The following URB1 variants were observed in gnomAD, a reference collection of about 807,000 sequenced individuals.
URB1 encodes URB1 ribosome biogenesis factor.
URB1 carries 197 observed loss-of-function variants against 242.3 expected under a neutral mutation model. The observed-to-expected ratio is 0.81, with a 90% CI of 0.72 to 0.91. The LOEUF (loss-of-function observed/expected upper bound fraction) is 0.91. Ranked by LOEUF, URB1 falls within the 40% of genes least tolerant of loss-of-function variation. The pLI, the probability that URB1 is intolerant of heterozygous loss-of-function variation, is 0.00. For synonymous variants in URB1, 1,153 were observed against 1,201.8 expected (o/e 0.96, Z 0.84); for missense variants, 2,721 against 2,860.5 (o/e 0.95, Z 1.11).
intron 24 of URB1, among the ~76,000 whole-genome samples, chr21:32,343,216 A>G (rs2033050096): frequency 6.6e-6 from 1 of 151,962 alleles, no homozygotes; most frequent in Non-Finnish European, 1.5e-5. Flanking sequence ...TATTTTTTGC[A>G]GTGTGAATAC....
chr21:32,365,249 A>G (rs1035024976), intron 10 of URB1, among the ~76,000 whole-genome samples: 2 of 152,174 alleles, frequency 1.3e-5, no homozygotes, highest in Admixed American at 6.5e-5. Context: ...GTTTGAAACC[A>G]GCCTGCGCAA....
Position 32,334,327 on chromosome 21 carries a change from G to A in URB1, c.4693C>T (p.Leu1565=). ...KLSLINFRVL[L]WGPAAVEHHK... Reference sequence around the variant, plus strand: ...TGCTCCACGGCCGCTGGGCCCCACAGCAGCACCCTAGAGCCAGAAAAGGGA... The same window carrying A: ...TGCTCCACGGCCGCTGGGCCCCACAACAGCACCCTAGAGCCAGAAAAGGGA... Residue 1565 remains leucine, a synonymous_variant, in exon 29 of 39, where the codon CTG becomes TTG. Coordinates refer to ENST00000382751, the MANE Select transcript of URB1 (RefSeq NM_014825.3). The A allele has an allele frequency of 1.9e-6, 3 of 1,548,232 alleles. No individual in the cohort carries two copies. Among genetic ancestry groups the A allele is most frequent in the Non-Finnish European group, 2.6e-6 (3 of 1,144,566 alleles).
rs1176954783 is a variant in URB1 at position 32,316,946 on chromosome 21, A to C, written c.6154T>G (p.Leu2052Val). 1 of 1,551,708 alleles carries C rather than the reference A, an allele frequency of 6.4e-7. No homozygotes were observed. The stretch of plus-strand genomic sequence containing the variant: ...CTCAGGAGGCCCTTGCATGTCTCCA[A>C]GGTAGATGCCATCAGCTCAGGGTCA... ...MADPELMAST[L>V]ETCKGLLRSI... is the part of the protein sequence containing the mutation. The change falls in exon 38 of 39, where the codon TTG becomes GTG. Residue 2052 changes from leucine to valine, a missense_variant. Transcript: ENST00000382751.
rs776058272 is a variant in URB1 at position 32,317,798 on chromosome 21, G to A, written c.5912C>T (p.Thr1971Ile). The change falls in exon 37 of 39, where the codon ACA becomes ATA. Residue 1971 changes from threonine to isoleucine, a missense_variant. Coordinates refer to ENST00000382751, the MANE Select transcript of URB1 (RefSeq NM_014825.3). ...AAGGACGTCCTTGGTGGAAAGCACT[G>A]TCTCATTTACGGTGAATCTGTTCAT... ...RDMNRFTVNETVLSTKDVLVL... is the reference protein window; with the variant it reads ...RDMNRFTVNEIVLSTKDVLVL... 7.7e-6 allele frequency: 12 copies of A among 1,551,862 alleles called. No individual in the cohort carries two copies. The African/African-American group carries it at 1.4e-4, about 18-fold the overall frequency.
At chr21:32,322,637 T>C in intron 32 of URB1, 53 bp from the exon 33 acceptor site, 1 of 1,363,528 alleles carries the variant, frequency 7.3e-7, no homozygotes, top group Non-Finnish European at 1.0e-6. Context: ...GGACGCCCCC[T>C]GGTCTGGCAG....
intron 30 of URB1, among the ~76,000 whole-genome samples, chr21:32,330,141 G>A (rs1436993130): frequency 6.8e-6 from 1 of 148,092 alleles, no homozygotes. Flanking sequence ...TCCATCTTTC[G>A]TTTGGGATGA....
chr21:32,334,367 C>A, intron 28 of URB1, 33 bp from the exon 29 acceptor site: 6 of 1,520,832 alleles, frequency 3.9e-6, no homozygotes, highest in Non-Finnish European at 5.3e-6. Context: ...AGACTGGTCA[C>A]AGAGCCCCCC....
chr21:32,321,847 A>C lies in URB1; in HGVS notation c.5438T>G (p.Ile1813Ser). ...CGGGCTGTGGAAGAAGGACAGGATGATGTGGAAGATGCCACGCCGGGCACA... is the reference window on the plus strand; with the variant it reads ...CGGGCTGTGGAAGAAGGACAGGATGCTGTGGAAGATGCCACGCCGGGCACA... ...ELCARRGIFHIILSFFHSPLC... is the reference protein window; with the variant it reads ...ELCARRGIFHSILSFFHSPLC... Residue 1813 changes from isoleucine to serine, a missense_variant, in exon 34 of 39, where the codon ATC (isoleucine) becomes AGC (serine). By Grantham distance (142) the Ile-to-Ser change is moderately radical (BLOSUM62 -2). Coordinates refer to ENST00000382751, the MANE Select transcript of URB1 (RefSeq NM_014825.3). The C allele has an allele frequency of 1.3e-6, 2 of 1,551,716 alleles. No individual in the cohort carries two copies. The highest frequency in any genetic ancestry group is 2.4e-5 in the South Asian group (2 of 84,062).
At chr21:32,373,556 A>G in intron 7 of URB1, 91 bp downstream of exon 7, 1 of 1,370,236 alleles carries the variant, frequency 7.3e-7, no homozygotes, top group Non-Finnish European at 9.6e-7. Flanking sequence ...GGGGACTTCA[A>G]GTCTGGTGCG....
chr21:32,347,847 A>G (rs1183685715), intron 21 of URB1, 36 bp from the exon 22 acceptor site: 1 of 1,512,622 alleles, frequency 6.6e-7, no homozygotes, highest in African/African-American at 1.4e-5. Context: ...CGTCACATAG[A>G]GCACAGGGCT....
chr21:32,352,047 C>G (rs998385388), intron 19 of URB1, among the ~76,000 whole-genome samples: 4 of 152,300 alleles, frequency 2.6e-5, no homozygotes, highest in Admixed American at 1.3e-4. Flanking sequence ...AAAAAACACA[C>G]AGAAAACATG....
chr21:32,371,975 C>A (rs1053171079), intron 8 of URB1, among the ~76,000 whole-genome samples: 5 of 150,978 alleles, frequency 3.3e-5, no homozygotes, highest in South Asian at 2.1e-4. Flanking sequence ...AAAAAAAAAA[C>A]AATTTTGAAA....
chr21:32,352,631 A>C, intron 19 of URB1, 79 bp downstream of exon 19: 1 of 1,518,572 alleles, frequency 6.6e-7, no homozygotes. Context: ...ACCCAACTGC[A>C]CAGCTGTGGC....
chr21:32,324,809 G>C (rs1271155971), intron 31 of URB1, among the ~76,000 whole-genome samples: 1 of 152,086 alleles, frequency 6.6e-6, no homozygotes, highest in East Asian at 1.9e-4. Context: ...GAGTCAGTCA[G>C]GTGCACAACA....
chr21:32,338,636 G>A (rs778298207), intron 26 of URB1, 71 bp downstream of exon 26: 371 of 1,509,448 alleles, frequency 2.5e-4, no homozygotes, highest in Admixed American at 3.9e-4. Context: ...ATGAGCCTCA[G>A]TGCAGCCAGT....
At chr21:32,319,539 G>A (rs1488378178) in intron 35 of URB1, 125 bp from the exon 36 acceptor site, 6 of 1,021,840 alleles carry the variant, frequency 5.9e-6, no homozygotes, top group Middle Eastern at 4.7e-4. Context: ...GTAAAAACAG[G>A]GTGCTTGCTA....
intron 32 of URB1, among the ~76,000 whole-genome samples, chr21:32,323,260 TG>T (rs1475931070): frequency 6.6e-6 from 1 of 152,138 alleles, no homozygotes; most frequent in Non-Finnish European, 1.5e-5. Context: ...TGGGAGCAGA[TG>T]AAAATGAGAT....
intron 22 of URB1, among the ~76,000 whole-genome samples, chr21:32,346,657 G>C (rs965504077): frequency 6.6e-6 from 1 of 152,134 alleles, no homozygotes; most frequent in East Asian, 1.9e-4. Flanking sequence ...AACGTAACAG[G>C]ACAGCCCTAA....
At chr21:32,337,662 C>A in intron 26 of URB1, 148 bp from the exon 27 acceptor site, 1 of 549,956 alleles carries the variant, frequency 1.8e-6, no homozygotes, top group South Asian at 3.4e-5. Context: ...CTAATCCCTT[C>A]CCCGCTTATT....
Sources: gnomAD v4.1 joint callset for allele counts (sites outside exome capture counted in the v4.1 genomes callset) on GRCh38, gnomAD v4.1.1 for gene constraint, MANE v1.5 for transcripts, NCBI Gene and HGNC (gene_info 2026-07-23, HGNC 2026-07-21) for gene names.